PCDH15: variants seen among roughly 807,000 people sequenced by gnomAD.
PCDH15 encodes the protein protocadherin-15.
PCDH15 carries 129 observed loss-of-function variants against 178.5 expected under a neutral mutation model. The observed-to-expected ratio is 0.72, with a 90% CI of 0.63 to 0.84. PCDH15 has a LOEUF of 0.84. Among genes scored for constraint, PCDH15 ranks in the 40% least tolerant of loss-of-function variants. The probability of loss-of-function intolerance (pLI) is 0.00; values close to 1 mark genes in which losing one functional copy is unlikely to be tolerated. For synonymous variants in PCDH15, 800 were observed against 732.0 expected, an observed-to-expected ratio of 1.09 and a Z score of -1.50; for missense variants, 2,230 against 2,099.9, an observed-to-expected ratio of 1.06 and a Z score of -1.21.
At chr10:54,343,094 A>T (rs1320808239) in intron 6 of PCDH15, among the ~76,000 whole-genome samples, 2 of 152,140 alleles carry the variant, frequency 1.3e-5, no homozygotes, top group Non-Finnish European at 2.9e-5. Flanking sequence ...GGAACTATTG[A>T]GAAGGCATGA....
At chr10:53,856,813 T>C (rs1278083240) in intron 28 of PCDH15, among the ~76,000 whole-genome samples, 1 of 152,126 alleles carries the variant, frequency 6.6e-6, no homozygotes, top group African/African-American at 2.4e-5. Flanking sequence ...AATCTGAACA[T>C]TGTAATGATT....
At chr10:54,541,712 A>C (rs1294851386) in intron 2 of PCDH15, among the ~76,000 whole-genome samples, 1 of 152,176 alleles carries the variant, frequency 6.6e-6, no homozygotes, top group Non-Finnish European at 1.5e-5. Flanking sequence ...TTCATCAAAC[A>C]CTTTATGAAA....
intron 2 of PCDH15, among the ~76,000 whole-genome samples, chr10:55,060,620 TA>T (rs1361700494): frequency 6.6e-6 from 1 of 151,892 alleles, no homozygotes. Context: ...CCAGCAAAAA[TA>T]GGTTTAATGA....
intron 1 of PCDH15, among the ~76,000 whole-genome samples, chr10:55,260,245 C>T (rs1303047602): frequency 6.6e-6 from 1 of 151,234 alleles, no homozygotes; most frequent in African/African-American, 2.4e-5. Context: ...GTCATTTTCA[C>T]CATGTTGGTA....
At chr10:54,535,287 T>C (rs1283686979) in intron 2 of PCDH15, among the ~76,000 whole-genome samples, 1 of 152,186 alleles carries the variant, frequency 6.6e-6, no homozygotes, top group East Asian at 1.9e-4. Flanking sequence ...CTAGAGACCA[T>C]AGCTACCTCA....
At chr10:53,836,328 G>T (rs2077305116) in intron 29 of PCDH15, among the ~76,000 whole-genome samples, 1 of 152,144 alleles carries the variant, frequency 6.6e-6, no homozygotes, top group South Asian at 2.1e-4. Flanking sequence ...TGTACAAGGA[G>T]AACAGAGGAA....
chr10:55,145,724 C>T, intron 2 of PCDH15, among the ~76,000 whole-genome samples: 1 of 151,312 alleles, frequency 6.6e-6, no homozygotes, highest in East Asian at 1.9e-4. Flanking sequence ...AAAGTGATAT[C>T]TCAGGCAAGT....
intron 1 of PCDH15, among the ~76,000 whole-genome samples, chr10:54,722,594 A>AGAT (rs199655695): frequency 7.4e-5 from 11 of 149,242 alleles, no homozygotes; most frequent in African/African-American, 9.8e-5. Flanking sequence ...AAAAAAAAAA[A>AGAT]TGTCAAATTA....
intron 2 of PCDH15, among the ~76,000 whole-genome samples, chr10:55,580,984 A>G (rs1014143889): frequency 2.6e-5 from 4 of 152,226 alleles, no homozygotes; most frequent in African/African-American, 7.2e-5. Flanking sequence ...GAAAACCACA[A>G]TGAGATACGT....
intron 8 of PCDH15, among the ~76,000 whole-genome samples, chr10:54,302,692 A>T (rs2060212633): frequency 6.6e-6 from 1 of 152,126 alleles, no homozygotes; most frequent in Non-Finnish European, 1.5e-5. Context: ...AGTCGATCAG[A>T]CTAAAACAAA....
chr10:54,576,186 A>G (rs1186253178), intron 2 of PCDH15, among the ~76,000 whole-genome samples: 3 of 152,190 alleles, frequency 2.0e-5, no homozygotes, highest in Admixed American at 6.6e-5. Flanking sequence ...TTGCTGATGT[A>G]GAACTGCTGC....
At chr10:54,230,864 T>C (rs1357302086) in intron 9 of PCDH15, among the ~76,000 whole-genome samples, 1 of 152,152 alleles carries the variant, frequency 6.6e-6, no homozygotes, top group Admixed American at 6.6e-5. Context: ...TTTCACACAT[T>C]AGCTGCTCAT....
chr10:55,127,449 T>C (rs1016379973), intron 2 of PCDH15, among the ~76,000 whole-genome samples: 20 of 152,040 alleles, frequency 1.3e-4, no homozygotes, highest in African/African-American at 4.6e-4. Flanking sequence ...GACTATCATA[T>C]CCACATATCT....
At chr10:55,572,906 G>A (rs1220680770) in intron 2 of PCDH15, among the ~76,000 whole-genome samples, 1 of 152,024 alleles carries the variant, frequency 6.6e-6, no homozygotes, top group African/African-American at 2.4e-5. Flanking sequence ...AAGCAAAGAA[G>A]CAATGCATGG....
intron 25 of PCDH15, among the ~76,000 whole-genome samples, chr10:53,915,460 GC>G (rs1414249956): frequency 6.6e-5 from 10 of 152,196 alleles, no homozygotes; most frequent in Admixed American, 2.6e-4. Flanking sequence ...AATATTAATT[GC>G]TTGTATCTAG....
intron 2 of PCDH15, among the ~76,000 whole-genome samples, chr10:55,150,974 C>G (rs2799588): frequency 2.6e-5 from 4 of 152,008 alleles, no homozygotes; most frequent in Non-Finnish European, 4.4e-5. Flanking sequence ...GCCAATTTAT[C>G]TCTTCATCCT....
chr10:55,195,236 C>A (rs2132151256), intron 1 of PCDH15, among the ~76,000 whole-genome samples: 1 of 151,932 alleles, frequency 6.6e-6, no homozygotes, highest in South Asian at 2.1e-4. Context: ...ATTGGTCAGG[C>A]TGCTCTCGAA....
chr10:54,484,163 G>T (rs2078924239), intron 3 of PCDH15, among the ~76,000 whole-genome samples: 1 of 151,900 alleles, frequency 6.6e-6, no homozygotes, highest in Non-Finnish European at 1.5e-5. Context: ...TGAACAGAAA[G>T]ACAGTGATGA....
At chr10:55,210,756 G>A (rs1180360335) in intron 1 of PCDH15, among the ~76,000 whole-genome samples, 1 of 147,050 alleles carries the variant, frequency 6.8e-6, no homozygotes, top group African/African-American at 2.5e-5. Context: ...AGATTCCCTA[G>A]TAGCTGGGAC....
Sources: gnomAD v4.1 joint callset for allele counts (sites outside exome capture counted in the v4.1 genomes callset) on GRCh38, gnomAD v4.1.1 for gene constraint, MANE v1.5 for transcripts, NCBI Gene and HGNC (gene_info 2026-07-23, HGNC 2026-07-21) for gene names.